Variants in FCRL1 observed in about 807,000 individuals in gnomAD.
FCRL1 encodes the protein Fc receptor like 1.
Under a neutral mutation model 49.2 loss-of-function variants are expected in FCRL1, and 34 were observed. The observed-to-expected ratio is 0.69, with a 90% CI of 0.53 to 0.92. The LOEUF (loss-of-function observed/expected upper bound fraction) is 0.92. FCRL1 is among the 40% of genes least tolerant of loss of function. The pLI is 0.00. For missense variants in FCRL1, 524 were observed against 524.1 expected (o/e 1.00, Z 0.00); for synonymous variants, 218 against 201.6 (o/e 1.08, Z -0.69).
chr1:157,806,276 T>C (rs1653425221), intron 2 of FCRL1, among the ~76,000 whole-genome samples: 1 of 152,356 alleles, frequency 6.6e-6, no homozygotes, highest in South Asian at 2.1e-4. Context: ...TGAATCTTTC[T>C]GGTCACAGGA....
chr1:157,805,969 G>A (rs925907907), intron 2 of FCRL1, among the ~76,000 whole-genome samples: 1 of 152,176 alleles, frequency 6.6e-6, no homozygotes, highest in Non-Finnish European at 1.5e-5. Flanking sequence ...GTAATGAAGT[G>A]GGAAACTGGA....
chr1:157,813,275 T>C (rs1654579172), intron 1 of FCRL1, among the ~76,000 whole-genome samples: 1 of 152,180 alleles, frequency 6.6e-6, no homozygotes, highest in Non-Finnish European at 1.5e-5. Flanking sequence ...ATTTATTAAT[T>C]GCCTAAAAAA....
At chr1:157,798,389 G>T in intron 7 of FCRL1, 146 bp from the exon 8 acceptor site, 1 of 676,700 alleles carries the variant, frequency 1.5e-6, no homozygotes, top group Non-Finnish European at 2.5e-6. Flanking sequence ...GCACAGCAGT[G>T]TGGTATGAGT....
Position 157,796,078 on chromosome 1 carries a change from A to T in FCRL1, c.*21T>A. ...GCTTGGGGTCATGGATGGTTTTCAA[A>T]GAGCAGAATCTTCCATAACCTTACA... On this transcript the variant is annotated 3_prime_UTR_variant, in exon 11 of 11. Coordinates refer to ENST00000368176, the MANE Select transcript of FCRL1 (RefSeq NM_052938.5). 1 of 1,608,774 alleles carries T rather than the reference A, an allele frequency of 6.2e-7. No homozygotes were observed. Among genetic ancestry groups the T allele is most frequent in the Non-Finnish European group, 8.5e-7 (1 of 1,175,114 alleles).
In FCRL1 at chr1:157,820,115, C is replaced by T; in HGVS notation, c.-78G>A. The T allele has an allele frequency of 1.3e-6, 2 of 1,546,028 alleles. No homozygotes were observed. Among genetic ancestry groups the T allele is most frequent in the South Asian group, 2.2e-5 (2 of 88,976 alleles). On this transcript the variant is annotated 5_prime_UTR_variant, in exon 1 of 11. Transcript: ENST00000368176. ...GCACCTCAGAGTCGAGCAGCAGCAG[C>T]TCATCAGAGGTTTGAGGAAGTTGAT... is the stretch of plus-strand genomic sequence containing the variant.
chr1:157,820,019 G>GC lies in FCRL1; in HGVS notation c.18dup (p.Leu7AlafsTer9). 6.2e-7 allele frequency: 1 copy of GC among 1,614,074 alleles called. No homozygotes were observed. The highest frequency in any genetic ancestry group is 2.2e-5 in the East Asian group (1 of 44,872). On this transcript the variant is annotated frameshift_variant, in exon 1 of 11. Coordinates refer to ENST00000368176, the MANE Select transcript of FCRL1 (RefSeq NM_052938.5). LOFTEE classifies it high-confidence loss of function. The stretch of plus-strand genomic sequence containing the variant: ...TTGCCCAACTCACCACAGATCAACA[G>GC]CAACAGCCTCGGCAGCATGAGGACC...
chr1:157,817,774 C>T (rs1180145192), intron 1 of FCRL1, among the ~76,000 whole-genome samples: 4 of 152,066 alleles, frequency 2.6e-5, no homozygotes, highest in Admixed American at 1.3e-4. Flanking sequence ...GCAGTCAATA[C>T]ATCTGAGAAA....
intron 5 of FCRL1, 97 bp downstream of exon 5, chr1:157,801,818 G>A (rs1229869919): frequency 1.4e-6 from 2 of 1,442,030 alleles, no homozygotes; most frequent in African/African-American, 2.8e-5. Context: ...CCCACCATGG[G>A]TAGCAAACCC....
At chr1:157,817,045 T>C (rs1655135242) in intron 1 of FCRL1, among the ~76,000 whole-genome samples, 1 of 151,950 alleles carries the variant, frequency 6.6e-6, no homozygotes, top group African/African-American at 2.4e-5. Flanking sequence ...TGTTCATGGA[T>C]TGGAAGAATA....
chr1:157,811,898 T>G (rs6695211), intron 1 of FCRL1, among the ~76,000 whole-genome samples: 66,944 of 151,984 alleles, frequency 0.44, 15,069 homozygotes, highest in African/African-American at 0.53. Flanking sequence ...AAACCTAGGC[T>G]CAGGGGGACA....
intron 1 of FCRL1, among the ~76,000 whole-genome samples, chr1:157,813,466 T>G (rs1327494521): frequency 6.6e-6 from 1 of 152,154 alleles, no homozygotes; most frequent in Non-Finnish European, 1.5e-5. Context: ...AAATTACAAT[T>G]GAGAGTTTCA....
Position 157,795,960 on chromosome 1 carries a change from G to C in FCRL1, c.*139C>G. 1 of 728,606 alleles carries C rather than the reference G, an allele frequency of 1.4e-6. No individual in the cohort carries two copies. The highest frequency in any genetic ancestry group is 2.4e-6 in the Non-Finnish European group (1 of 419,414). The allele number at this position is 728,606 out of a possible 1,614,324, so 45.1% of individuals were successfully genotyped here. A position where few individuals can be genotyped will look rare whatever the true frequency, so the allele number is the denominator to read the frequency against. The stretch of plus-strand genomic sequence containing the variant: ...GCTGCGCCAACTTCACTTCACAGTA[G>C]ATGAAGGAATAGTGCCATGGAGAAT... On this transcript the variant is annotated 3_prime_UTR_variant, in exon 11 of 11. Transcript: ENST00000368176.
At chr1:157,814,796 G>A (rs929798290) in intron 1 of FCRL1, among the ~76,000 whole-genome samples, 5 of 151,630 alleles carry the variant, frequency 3.3e-5, no homozygotes, top group Admixed American at 2.6e-4. Context: ...ATGGAGAACA[G>A]GAATAGTTAT....
rs747833804 is a variant in FCRL1, at chr1:157,801,498, C to T, written c.966G>A (p.Val322=). The T allele has an allele frequency of 6.2e-7, 1 of 1,613,916 alleles. No homozygotes were observed. The highest frequency in any genetic ancestry group is 1.1e-5 in the South Asian group (1 of 91,068). ...TGAGGCCGTAGCAAAATAATAAGGC[C>T]ACGGTGGCTGGACCAAGGGTGCTGA... ...GLLSTLGPAT[V]ALLFCYGLKR... The change falls in exon 6 of 11, where the codon GTG becomes GTA. Residue 322 remains valine (V), a synonymous_variant. Coordinates refer to ENST00000368176, the MANE Select transcript of FCRL1 (RefSeq NM_052938.5).
intron 2 of FCRL1, among the ~76,000 whole-genome samples, chr1:157,806,137 G>A (rs565228486): frequency 1.3e-5 from 2 of 152,282 alleles, no homozygotes; most frequent in East Asian, 3.9e-4. Flanking sequence ...GCTGAGATTG[G>A]GCACTTGGGT....
chr1:157,813,033 A>G (rs1394024579), intron 1 of FCRL1, among the ~76,000 whole-genome samples: 2 of 152,186 alleles, frequency 1.3e-5, no homozygotes, highest in South Asian at 2.1e-4. Context: ...CCACACTACT[A>G]TGCTCACCTG....
Position 157,819,699 on chromosome 1 carries a change from A to T in FCRL1, c.31+308T>A, listed in dbSNP as rs188741364. Among the ~76,000 whole-genome samples the T allele has an allele frequency of 1.8e-4, 27 of 152,276 alleles. 1 individual carries two copies. Among genetic ancestry groups the T allele is most frequent in the Middle Eastern group, 3.4e-3 (1 of 294 alleles). On this transcript the variant is annotated intron_variant, in intron 1 of 10. Transcript: ENST00000368176. ...CAAGGAATTCAGAGGCCTATTTATT[A>T]TACAGATTTTTCTTTTGGCAGCTGT...
In FCRL1 at chr1:157,801,887, C is replaced by G. The variant is rs1652535137; in HGVS notation, c.886+28G>C. On this transcript the variant is annotated intron_variant, in intron 5 of 10. Coordinates refer to ENST00000368176, the MANE Select transcript of FCRL1 (RefSeq NM_052938.5). ...AGGACGCTGGGAAGGAGACATTGACCAAGACAGTTCCATAGCCTGAGCTAT... is the reference window on the plus strand; with the variant it reads ...AGGACGCTGGGAAGGAGACATTGACGAAGACAGTTCCATAGCCTGAGCTAT... 3 of 1,593,034 alleles carry G rather than the reference C, an allele frequency of 1.9e-6. No homozygotes were observed. The East Asian group carries it at 6.7e-5, about 36-fold the overall frequency.
chr1:157,801,650 T>C (rs1652494250), intron 5 of FCRL1, 73 bp from the exon 6 acceptor site: 1 of 1,107,072 alleles, frequency 9.0e-7, no homozygotes, highest in Non-Finnish European at 1.3e-6. Context: ...ATCTTGGGTG[T>C]GGGTTGTGCC....
Sources: gnomAD v4.1 joint callset for allele counts (sites outside exome capture counted in the v4.1 genomes callset) on GRCh38, gnomAD v4.1.1 for gene constraint, MANE v1.5 for transcripts, NCBI Gene and HGNC (gene_info 2026-07-23, HGNC 2026-07-21) for gene names.